The following PSKH1 variants were observed in gnomAD, a reference collection of about 807,000 sequenced individuals.
PSKH1 encodes serine/threonine-protein kinase H1.
In PSKH1, 12 loss-of-function variants were observed where a neutral mutation model predicts 26.7. The ratio of observed to expected loss-of-function variants is 0.45; its 90% CI spans 0.29 to 0.73. The LOEUF (loss-of-function observed/expected upper bound fraction) is 0.73, where lower values mean the gene tolerates loss of function less well. Ranked by LOEUF, PSKH1 falls within the 30% of genes least tolerant of loss-of-function variation. The pLI, the probability that PSKH1 is intolerant of heterozygous loss-of-function variation, is 0.11. For synonymous variants in PSKH1, 213 were observed against 234.3 expected, an observed-to-expected ratio of 0.91 and a Z score of 0.83; for missense variants, 431 against 595.2, an observed-to-expected ratio of 0.72 and a Z score of 2.87.
At chr16:67,895,195 T>C (rs58984332) in intron 1 of PSKH1, among the ~76,000 whole-genome samples, 2,610 of 152,006 alleles carry the variant, frequency 0.017, 73 homozygotes, top group African/African-American at 0.059. Context: ...AGTGCTAGGG[T>C]TGCAGGCATA....
At position 67,908,902 on chromosome 16, in the gene PSKH1, G is replaced by A. The variant is rs1213861384; in HGVS notation, c.153G>A (p.Gly51=). ...EVDSVGPVKA[G]FPAASQYAHP... ...ACAGTGTTGGCCCTGTCAAAGCCGG[G>A]TTCCCAGCAGCAAGTCAGTATGCAC... The change falls in exon 2 of 3, where the codon GGG becomes GGA. Residue 51 remains glycine (G), a synonymous_variant. Transcript: ENST00000291041. The A allele has an allele frequency of 1.9e-6, 3 of 1,614,036 alleles. No individual in the cohort carries two copies. Among genetic ancestry groups the A allele is most frequent in the African/African-American group, 2.7e-5 (2 of 74,916 alleles).
chr16:67,896,170 G>A (rs562111217), intron 1 of PSKH1, among the ~76,000 whole-genome samples: 2 of 150,734 alleles, frequency 1.3e-5, no homozygotes, highest in East Asian at 2.0e-4. Flanking sequence ...GTGCAATGGC[G>A]TGAGCTCGGC....
At position 67,906,213 on chromosome 16, in the gene PSKH1, C is replaced by T. The variant is rs374476478; in HGVS notation, c.-70-2467C>T. On this transcript the variant is annotated intron_variant, in intron 1 of 2. Coordinates refer to ENST00000291041, the MANE Select transcript of PSKH1 (RefSeq NM_006742.3). The stretch of plus-strand genomic sequence containing the variant: ...TCAGCCTCCCAAGTAGCTGGGATTA[C>T]AGGCATGTGCCACCAAGCCCGGCTA... Among the ~76,000 whole-genome samples the T allele has an allele frequency of 1.1e-4, 16 of 152,048 alleles. No homozygotes were observed. In the East Asian group the frequency reaches 2.9e-3, roughly 28 times the overall value.
intron 1 of PSKH1, among the ~76,000 whole-genome samples, chr16:67,901,128 CTTTT>C (rs113272713): frequency 6.7e-6 from 1 of 150,138 alleles, no homozygotes; most frequent in Non-Finnish European, 1.5e-5. Context: ...TCTCTACTTT[CTTTT>C]TTTTTTCCCC....
At chr16:67,907,137 G>C (rs1224161183) in intron 1 of PSKH1, among the ~76,000 whole-genome samples, 1 of 147,878 alleles carries the variant, frequency 6.8e-6, no homozygotes, top group Non-Finnish European at 1.5e-5. Flanking sequence ...CTAATTTTTT[G>C]TATTTTTAGT....
intron 2 of PSKH1, among the ~76,000 whole-genome samples, chr16:67,926,718 C>CACTGAG (rs1252325783): frequency 1.3e-5 from 2 of 151,984 alleles, no homozygotes; most frequent in East Asian, 3.9e-4. Flanking sequence ...CAGAGGGTGC[C>CACTGAG]ACTGAGAAGG....
intron 1 of PSKH1, among the ~76,000 whole-genome samples, chr16:67,899,093 C>T (rs936674087): frequency 2.0e-5 from 3 of 152,142 alleles, no homozygotes; most frequent in African/African-American, 7.2e-5. Flanking sequence ...TGCTCCCTGC[C>T]CCGGGACCCC....
At position 67,927,228 on chromosome 16, in the gene PSKH1, C is replaced by T; in HGVS notation, c.958-97C>T. 2 of 1,284,666 alleles carry T rather than the reference C, an allele frequency of 1.6e-6. No individual in the cohort carries two copies. The highest frequency in any genetic ancestry group is 2.3e-5 in the East Asian group (1 of 42,836). 79.6% of individuals were successfully genotyped at this position (1,284,666 alleles called of 1,614,324 possible). A position where few individuals can be genotyped will look rare whatever the true frequency, so the allele number is the denominator to read the frequency against. On this transcript the variant is annotated intron_variant, in intron 2 of 2. Coordinates refer to ENST00000291041, the MANE Select transcript of PSKH1 (RefSeq NM_006742.3). The surrounding 1 kb of genome is among the most constrained non-coding windows in gnomAD (Gnocchi z 5.5). ...CTACATGAGAGGAGGGGCAGCACCTCTCTCTGGAAAGGGGAGGGTTGCTGA... is the reference window on the plus strand; with the variant it reads ...CTACATGAGAGGAGGGGCAGCACCTTTCTCTGGAAAGGGGAGGGTTGCTGA...
chr16:67,913,730 C>G (rs1310349329), intron 2 of PSKH1, among the ~76,000 whole-genome samples: 1 of 152,208 alleles, frequency 6.6e-6, no homozygotes, highest in Non-Finnish European at 1.5e-5. Context: ...GATGTTCATA[C>G]ACATCCCCTG....
intron 1 of PSKH1, among the ~76,000 whole-genome samples, chr16:67,900,958 C>G (rs972812500): frequency 6.6e-6 from 1 of 152,112 alleles, no homozygotes; most frequent in African/African-American, 2.4e-5. Flanking sequence ...GCTCTTCTTC[C>G]TAGGAGCTTT....
At chr16:67,903,763 A>G (rs1322101828) in intron 1 of PSKH1, among the ~76,000 whole-genome samples, 1 of 148,190 alleles carries the variant, frequency 6.7e-6, no homozygotes, top group Non-Finnish European at 1.5e-5. Context: ...TGCTGTCCTC[A>G]TTCTTCCTTC....
intron 2 of PSKH1, among the ~76,000 whole-genome samples, chr16:67,926,958 AC>A (rs1217607306): frequency 6.6e-6 from 1 of 152,090 alleles, no homozygotes; most frequent in African/African-American, 2.4e-5. Context: ...CTTCAATCTG[AC>A]TTAGGATGTG....
chr16:67,923,454 G>C lies in PSKH1; in HGVS notation c.958-3871G>C, dbSNP rs114390278. Among the ~76,000 whole-genome samples, 699 of 152,298 alleles carry C rather than the reference G, an allele frequency of 4.6e-3. 7 individuals carry two copies. Among genetic ancestry groups the C allele is most frequent in the African/African-American group, 0.016 (645 of 41,566 alleles). On this transcript the variant is annotated intron_variant, in intron 2 of 2. Transcript: ENST00000291041. The stretch of plus-strand genomic sequence containing the variant: ...ACGCAGCAGTGTCTCGAAGTGCTGG[G>C]ATTAGAGGTGTGAGCCACTGACTTG...
intron 2 of PSKH1, among the ~76,000 whole-genome samples, chr16:67,920,387 G>A (rs1014568167): frequency 2.0e-5 from 3 of 152,038 alleles, no homozygotes; most frequent in African/African-American, 7.2e-5. Context: ...TCAGCCTTCC[G>A]AGTAGCTGGG....
intron 2 of PSKH1, among the ~76,000 whole-genome samples, chr16:67,911,341 G>T (rs2058172721): frequency 6.6e-6 from 1 of 152,196 alleles, no homozygotes; most frequent in Non-Finnish European, 1.5e-5. Context: ...CCTCCCAGGG[G>T]TGTGGGCTGG....
chr16:67,922,580 C>T (rs947995191), intron 2 of PSKH1, among the ~76,000 whole-genome samples: 11 of 152,104 alleles, frequency 7.2e-5, no homozygotes, highest in South Asian at 2.1e-4. Flanking sequence ...CTAAACTCTG[C>T]GCTTCACATG....
chr16:67,914,197 T>C (rs1384053989), intron 2 of PSKH1, among the ~76,000 whole-genome samples: 3 of 152,106 alleles, frequency 2.0e-5, no homozygotes, highest in Non-Finnish European at 4.4e-5. Flanking sequence ...TTGCCCAGGC[T>C]GGAGTGCAAT....
chr16:67,910,080 A>G lies in PSKH1; in HGVS notation c.957+374A>G, dbSNP rs138628501. ...CCTCATAGTTGTACCACCAAAGAGCAGGAACGTGAGTTTCTTTTTGTTTTG... is the reference window on the plus strand; with the variant it reads ...CCTCATAGTTGTACCACCAAAGAGCGGGAACGTGAGTTTCTTTTTGTTTTG... On this transcript the variant is annotated intron_variant, in intron 2 of 2. Transcript: ENST00000291041. 3.2e-5 allele frequency: 14 copies of G among 432,696 alleles called. No homozygotes were observed. The East Asian group carries it at 4.6e-4, about 14-fold the overall frequency. The allele number at this position is 432,696 out of a possible 1,614,324, so 26.8% of individuals were successfully genotyped here.
In PSKH1 at chr16:67,922,930, C is replaced by T. The variant is rs148770469; in HGVS notation, c.958-4395C>T. Among the ~76,000 whole-genome samples, 397 of 152,360 alleles carry T rather than the reference C, an allele frequency of 2.6e-3. 3 individuals carry two copies. The highest frequency in any genetic ancestry group is 9.3e-3 in the African/African-American group (387 of 41,586). ...AGCAGCTTCCTCCTCTGTCTGCAGC[C>T]TCTGCTAGAGAGCTGGCGCTGTTCT... On this transcript the variant is annotated intron_variant, in intron 2 of 2. Transcript: ENST00000291041.
Sources: allele counts gnomAD v4.1 joint callset (sites outside exome capture counted in the v4.1 genomes callset), GRCh38; gene constraint gnomAD v4.1.1; non-coding constraint Gnocchi (gnomAD v3.1); transcripts MANE v1.5; gene names NCBI Gene and HGNC (gene_info 2026-07-23, HGNC 2026-07-21).